SEZ6L: variants seen among roughly 807,000 people sequenced by gnomAD.
SEZ6L encodes the protein seizure related 6 homolog like.
Under a neutral mutation model 106.2 loss-of-function variants are expected in SEZ6L, and 37 were observed. The observed-to-expected ratio is 0.35, with a 90% confidence interval of 0.27 to 0.46. The LOEUF (loss-of-function observed/expected upper bound fraction) is 0.46. SEZ6L is among the 20% of genes least tolerant of loss of function. SEZ6L has a pLI of 1.00. For synonymous variants in SEZ6L, 541 were observed against 570.4 expected (o/e 0.95, Z 0.73); for missense variants, 1,172 against 1,332.8 (o/e 0.88, Z 1.88).
At position 26,380,338 on chromosome 22, in the gene SEZ6L, A is replaced by G. The variant is rs758161731; in HGVS notation, c.*43A>G. ...AAGGGGACTTGTGAACTCAACCACA[A>G]TCTCCTCGAGACATTCATCCAGAGA... On this transcript the variant is annotated 3_prime_UTR_variant, in exon 17 of 17. Transcript: ENST00000248933. The G allele has an allele frequency of 8.4e-6, 13 of 1,546,402 alleles. No homozygotes were observed. The South Asian group carries it at 1.0e-4, about 12-fold the overall frequency.
intron 11 of SEZ6L, among the ~76,000 whole-genome samples, chr22:26,348,562 G>GAA (rs1569473304): frequency 4.3e-5 from 2 of 46,906 alleles, no homozygotes; most frequent in African/African-American, 8.4e-5. Context: ...AGGAAGGAAG[G>GAA]GAGGAAAGAA....
intron 9 of SEZ6L, among the ~76,000 whole-genome samples, chr22:26,323,536 G>C (rs1374041291): frequency 2.6e-5 from 4 of 152,170 alleles, no homozygotes; most frequent in African/African-American, 4.8e-5. Context: ...GAGAGGCTGA[G>C]GTGGGAGAAT....
intron 9 of SEZ6L, among the ~76,000 whole-genome samples, chr22:26,321,508 C>T (rs886734518): frequency 1.3e-5 from 2 of 152,148 alleles, no homozygotes; most frequent in African/African-American, 4.8e-5. Context: ...GTCACCAGCC[C>T]GAGGCTCACG....
At chr22:26,284,176 T>C (rs1239055605) in intron 1 of SEZ6L, among the ~76,000 whole-genome samples, 2 of 152,210 alleles carry the variant, frequency 1.3e-5, no homozygotes, top group African/African-American at 4.8e-5. Flanking sequence ...CTGTCCAGTG[T>C]CTTACCGGCA....
intron 1 of SEZ6L, among the ~76,000 whole-genome samples, chr22:26,189,113 G>A (rs981981113): frequency 6.6e-6 from 1 of 152,156 alleles, no homozygotes; most frequent in African/African-American, 2.4e-5. Context: ...GGAAGGAACA[G>A]AAACTTGTCA....
At chr22:26,327,085 A>G (rs1011607556) in intron 9 of SEZ6L, among the ~76,000 whole-genome samples, 2 of 152,062 alleles carry the variant, frequency 1.3e-5, no homozygotes, top group Non-Finnish European at 2.9e-5. Context: ...GAATGGCAGG[A>G]AGCGGCGACC....
At chr22:26,178,343 G>A (rs912129721) in intron 1 of SEZ6L, among the ~76,000 whole-genome samples, 7 of 152,190 alleles carry the variant, frequency 4.6e-5, no homozygotes, top group African/African-American at 1.7e-4. Context: ...GAGACCCAAG[G>A]CCCAGGCTAG....
At chr22:26,296,122 A>G (rs2081293084) in intron 3 of SEZ6L, among the ~76,000 whole-genome samples, 1 of 152,166 alleles carries the variant, frequency 6.6e-6, no homozygotes, top group Non-Finnish European at 1.5e-5. Context: ...ATTCTCCCTT[A>G]CACACACACG....
At chr22:26,325,967 G>A (rs1437710079) in intron 9 of SEZ6L, among the ~76,000 whole-genome samples, 2 of 151,530 alleles carry the variant, frequency 1.3e-5, no homozygotes, top group Non-Finnish European at 2.9e-5. Flanking sequence ...TGATCCCTCT[G>A]AGCTTGCAGT....
Position 26,292,640 on chromosome 22 carries a change from A to C in SEZ6L, c.329A>C (p.Lys110Thr). ...CTGCTTCCAGAGGAGGCCCGCCCCA[A>C]GCACGCCTTGCCCCCCAAGAAGAAA... ...SPLLPEEARPKHALPPKKKLP... is the reference protein window; with the variant it reads ...SPLLPEEARPTHALPPKKKLP... The change falls in exon 2 of 17, where the codon AAG becomes ACG. Residue 110 changes from lysine to threonine, a missense_variant. Physicochemically the swap from Lys to Thr is moderately conservative, Grantham distance 78. This residue lies in a region of SEZ6L where 494 missense variants were observed against 445.8 expected (regional missense o/e 1.11). Transcript: ENST00000248933. 6.2e-7 allele frequency: 1 copy of C among 1,613,270 alleles called. No individual in the cohort carries two copies. Among genetic ancestry groups the C allele is most frequent in the Non-Finnish European group, 8.5e-7 (1 of 1,179,792 alleles).
chr22:26,263,857 C>T (rs1445092429), intron 1 of SEZ6L, among the ~76,000 whole-genome samples: 1 of 152,198 alleles, frequency 6.6e-6, no homozygotes, highest in Non-Finnish European at 1.5e-5. Flanking sequence ...CTAAACAGAT[C>T]TGTTTTAAAT....
chr22:26,312,899 A>G (rs2081884391), intron 8 of SEZ6L, among the ~76,000 whole-genome samples: 1 of 152,282 alleles, frequency 6.6e-6, no homozygotes, highest in Middle Eastern at 3.4e-3. Context: ...CTGCTGAGCC[A>G]CCCTGAGCCT....
chr22:26,296,561 A>G (rs571208744), intron 3 of SEZ6L, among the ~76,000 whole-genome samples: 1 of 152,294 alleles, frequency 6.6e-6, no homozygotes, highest in African/African-American at 2.4e-5. Flanking sequence ...CACCAGCTCC[A>G]GGATAATCTA....
intron 9 of SEZ6L, among the ~76,000 whole-genome samples, chr22:26,316,260 G>C (rs1287471121): frequency 6.6e-6 from 1 of 152,206 alleles, no homozygotes; most frequent in Non-Finnish European, 1.5e-5. Context: ...ATATTGGAAA[G>C]AATGGAATGG....
chr22:26,311,643 C>T (rs906747812), intron 7 of SEZ6L, 125 bp from the exon 8 acceptor site: 15 of 838,800 alleles, frequency 1.8e-5, no homozygotes, highest in African/African-American at 5.1e-5. Context: ...AACCAGGACA[C>T]GTAATTTGGT....
intron 9 of SEZ6L, among the ~76,000 whole-genome samples, chr22:26,323,640 TTAAA>T (rs1344904845): frequency 2.0e-5 from 3 of 152,214 alleles, no homozygotes; most frequent in East Asian, 3.9e-4. Flanking sequence ...TGTAAATTAA[TTAAA>T]TAATGTAAAA....
intron 9 of SEZ6L, among the ~76,000 whole-genome samples, chr22:26,338,180 A>G (rs2082703453): frequency 6.6e-6 from 1 of 152,212 alleles, no homozygotes; most frequent in South Asian, 2.1e-4. Flanking sequence ...GTTCCCGTAT[A>G]AAACCCTTCA....
intron 1 of SEZ6L, among the ~76,000 whole-genome samples, chr22:26,171,728 A>T (rs1369706730): frequency 6.6e-6 from 1 of 152,210 alleles, no homozygotes; most frequent in African/African-American, 2.4e-5. Context: ...AATTAAAGTC[A>T]ATTGATGTGC....
chr22:26,340,417 C>A lies in SEZ6L; in HGVS notation c.2016-19C>A. On this transcript the variant is annotated intron_variant, in intron 9 of 16. Coordinates refer to ENST00000248933, the MANE Select transcript of SEZ6L (RefSeq NM_021115.5). The stretch of plus-strand genomic sequence containing the variant: ...CATTCTCTATTTCACATGACTCTCC[C>A]TCTTCTCTGCCCTCCAAGCCTGAAT... The A allele has an allele frequency of 1.3e-6, 2 of 1,595,298 alleles. No homozygotes were observed. Among genetic ancestry groups the A allele is most frequent in the Non-Finnish European group, 1.7e-6 (2 of 1,171,486 alleles).
Sources: allele counts gnomAD v4.1 joint callset (sites outside exome capture counted in the v4.1 genomes callset), GRCh38; gene constraint gnomAD v4.1.1; regional missense constraint gnomAD v4.1.1; transcripts MANE v1.5; gene names NCBI Gene and HGNC (gene_info 2026-07-23, HGNC 2026-07-21).